MEIS1: variants seen among roughly 807,000 people sequenced by gnomAD.
MEIS1 encodes the protein homeobox protein Meis1.
MEIS1 carries 5 observed loss-of-function variants against 50.8 expected under a neutral mutation model. The ratio of observed to expected loss-of-function variants is 0.10; its 90% CI spans 0.05 to 0.21. The LOEUF (loss-of-function observed/expected upper bound fraction) is 0.21, where lower values mean the gene tolerates loss of function less well. Ranked by LOEUF, MEIS1 falls within the 10% of genes least tolerant of loss-of-function variation. MEIS1 has a pLI of 1.00. For synonymous variants in MEIS1, 176 were observed against 179.3 expected (o/e 0.98, Z 0.15); for missense variants, 318 against 517.3 (o/e 0.61, Z 3.74).
chr2:66,451,743 C>G (rs1261349797), intron 6 of MEIS1, among the ~76,000 whole-genome samples: 1 of 151,946 alleles, frequency 6.6e-6, no homozygotes, highest in Non-Finnish European at 1.5e-5. Flanking sequence ...CATACTTACA[C>G]TATTTACGTG....
intron 7 of MEIS1, among the ~76,000 whole-genome samples, chr2:66,470,097 C>G (rs940960228): frequency 2.6e-5 from 4 of 152,176 alleles, no homozygotes; most frequent in Non-Finnish European, 5.9e-5. Flanking sequence ...TTCACACTTG[C>G]TTCTTAAGCC....
rs80005864 is a variant in MEIS1 at position 66,443,175 on chromosome 2, C to T, written c.630+127C>T. On this transcript the variant is annotated intron_variant, in intron 6 of 12. Transcript: ENST00000272369. The stretch of plus-strand genomic sequence containing the variant: ...AAGTCCCTTTTAGATACATTTCCAT[C>T]GAAATGAAAATTTTTGAATAATGTG... 1.8e-5 allele frequency: 20 copies of T among 1,139,392 alleles called. No homozygotes were observed. In the African/African-American group the frequency reaches 2.8e-4, roughly 16 times the overall value. 70.6% of individuals were successfully genotyped at this position (1,139,392 alleles called of 1,614,324 possible).
intron 6 of MEIS1, among the ~76,000 whole-genome samples, chr2:66,460,528 GA>G (rs1303958472): frequency 6.6e-6 from 1 of 152,092 alleles, no homozygotes; most frequent in Non-Finnish European, 1.5e-5. Flanking sequence ...CCTAGAACTA[GA>G]AAAAACATGA....
Position 66,513,748 on chromosome 2 carries a change from C to T in MEIS1, c.888+1454C>T, listed in dbSNP as rs148015614. On this transcript the variant is annotated intron_variant, in intron 8 of 12. Coordinates refer to ENST00000272369, the MANE Select transcript of MEIS1 (RefSeq NM_002398.3). ...ATTATTTGAGCTGTTTTGATTTTAACATCATATTAGGTTTACCTAGAATCT... is the reference window on the plus strand; with the variant it reads ...ATTATTTGAGCTGTTTTGATTTTAATATCATATTAGGTTTACCTAGAATCT... Among the ~76,000 whole-genome samples, 674 of 152,262 alleles carry T rather than the reference C, an allele frequency of 4.4e-3. 3 individuals carry two copies. Among genetic ancestry groups the T allele is most frequent in the Admixed American group, 9.4e-3 (143 of 15,282 alleles).
At chr2:66,439,554 C>T in intron 2 of MEIS1, 1 of 1,514,558 alleles carries the variant, frequency 6.6e-7, no homozygotes, top group African/African-American at 1.4e-5. Flanking sequence ...GCTGGAAACG[C>T]TTGGGTTTTA....
chr2:66,471,924 A>T (rs1195551387), intron 7 of MEIS1, among the ~76,000 whole-genome samples: 1 of 152,252 alleles, frequency 6.6e-6, no homozygotes, highest in Non-Finnish European at 1.5e-5. Flanking sequence ...CATCATATTA[A>T]TACCATGCAT....
intron 8 of MEIS1, among the ~76,000 whole-genome samples, chr2:66,540,447 T>C (rs144928388): frequency 2.6e-4 from 39 of 152,148 alleles, no homozygotes; most frequent in Non-Finnish European, 2.6e-4. Context: ...GTAGATGGGA[T>C]TACAGGCGCC....
intron 7 of MEIS1, among the ~76,000 whole-genome samples, chr2:66,479,952 A>T (rs556675092): frequency 5.9e-5 from 9 of 152,326 alleles, no homozygotes; most frequent in African/African-American, 1.9e-4. Flanking sequence ...TGCTCTTAAA[A>T]TGTTGTTTTG....
chr2:66,455,321 A>G (rs530304290), intron 6 of MEIS1, among the ~76,000 whole-genome samples: 2 of 152,296 alleles, frequency 1.3e-5, no homozygotes, highest in African/African-American at 4.8e-5. Flanking sequence ...ATTTGGCTGA[A>G]TGTACCACAT....
At chr2:66,564,720 G>GTT (rs527736673) in intron 9 of MEIS1, among the ~76,000 whole-genome samples, 15 of 142,908 alleles carry the variant, frequency 1.0e-4, no homozygotes, top group African/African-American at 3.3e-4. Context: ...AAAAGTAATT[G>GTT]TTTTTTTTTT....
intron 4 of MEIS1, 130 bp downstream of exon 4, chr2:66,440,742 A>C: frequency 3.1e-6 from 2 of 639,330 alleles, no homozygotes; most frequent in Non-Finnish European, 5.6e-6. Flanking sequence ...TTGGCTGCAA[A>C]TGTTTCTGTA....
At position 66,515,808 on chromosome 2, in the gene MEIS1, G is replaced by A. The variant is rs370715796; in HGVS notation, c.888+3514G>A. ...AGAGAGAATTAGAAAGAAAATAAAG[G>A]CATTTATTAATAGGAATTCTTACAT... On this transcript the variant is annotated intron_variant, in intron 8 of 12. Transcript: ENST00000272369. 1.1e-3 allele frequency among the ~76,000 whole-genome samples: 166 copies of A among 152,136 alleles called. No homozygotes were observed. In the Middle Eastern group the frequency reaches 0.014, roughly 12 times the overall value.
chr2:66,521,282 A>G (rs1674112548), intron 8 of MEIS1, among the ~76,000 whole-genome samples: 1 of 152,164 alleles, frequency 6.6e-6, no homozygotes, highest in East Asian at 1.9e-4. Flanking sequence ...TGTCTGTGAT[A>G]GTGCTTTGGG....
intron 6 of MEIS1, among the ~76,000 whole-genome samples, chr2:66,462,621 A>G (rs909181176): frequency 1.3e-5 from 2 of 152,188 alleles, no homozygotes; most frequent in African/African-American, 4.8e-5. Context: ...GCAGTTGTAC[A>G]AACTGAAAAT....
At chr2:66,526,673 T>A (rs555420694) in intron 8 of MEIS1, among the ~76,000 whole-genome samples, 1 of 152,282 alleles carries the variant, frequency 6.6e-6, no homozygotes, top group South Asian at 2.1e-4. Flanking sequence ...TATGGTAAGT[T>A]TAGTGAAGAC....
intron 8 of MEIS1, among the ~76,000 whole-genome samples, chr2:66,547,394 T>C (rs1445017446): frequency 6.6e-6 from 1 of 152,048 alleles, no homozygotes; most frequent in African/African-American, 2.4e-5. Flanking sequence ...TTGGTGAATT[T>C]TGTTTTTTTT....
chr2:66,512,104 A>AT (rs781753354), intron 7 of MEIS1, 45 bp from the exon 8 acceptor site: 1 of 1,502,352 alleles, frequency 6.7e-7, no homozygotes, highest in South Asian at 1.4e-5. Flanking sequence ...TGAATAAAGC[A>AT]TGTCAAGGTA....
intron 7 of MEIS1, among the ~76,000 whole-genome samples, chr2:66,496,600 T>C (rs1673411706): frequency 6.6e-6 from 1 of 152,194 alleles, no homozygotes; most frequent in African/African-American, 2.4e-5. Context: ...TTGTCCTTCT[T>C]TATGTCCTAG....
chr2:66,459,543 G>T (rs1672471858), intron 6 of MEIS1, among the ~76,000 whole-genome samples: 1 of 152,270 alleles, frequency 6.6e-6, no homozygotes, highest in African/African-American at 2.4e-5. Flanking sequence ...CGTATGATCT[G>T]GTGGAATGGA....
Sources: gnomAD v4.1 joint callset for allele counts (sites outside exome capture counted in the v4.1 genomes callset) on GRCh38, gnomAD v4.1.1 for gene constraint, MANE v1.5 for transcripts, NCBI Gene and HGNC (gene_info 2026-07-23, HGNC 2026-07-21) for gene names.